The following TADA3 variants were observed in gnomAD, a reference collection of about 807,000 sequenced individuals.
TADA3 encodes the protein transcriptional adapter 3.
In TADA3, 25 loss-of-function variants were observed where a neutral mutation model predicts 43.2. The observed-to-expected ratio is 0.58, with a 90% CI of 0.42 to 0.81. The LOEUF (loss-of-function observed/expected upper bound fraction) is 0.81. Ranked by LOEUF, TADA3 falls within the 30% of genes least tolerant of loss-of-function variation. TADA3 has a pLI of 0.00. For synonymous variants in TADA3, 235 were observed against 225.5 expected (o/e 1.04, Z -0.38); for missense variants, 441 against 567.8 (o/e 0.78, Z 2.27).
At chr3:9,787,544 G>GAC (rs1037600953) in intron 4 of TADA3, 9 of 948,678 alleles carry the variant, frequency 9.5e-6, no homozygotes, top group South Asian at 5.2e-5. Context: ...AAAGAACTAA[G>GAC]ACACACACAC....
At chr3:9,783,975 TG>T (rs1262555025) in intron 8 of TADA3, 52 bp downstream of exon 8, 1 of 1,564,652 alleles carries the variant, frequency 6.4e-7, no homozygotes, top group South Asian at 1.2e-5. Context: ...TGACTAGCCG[TG>T]GCCACAGCCT....
rs577310943 is a variant in TADA3 at position 9,787,512 on chromosome 3, C to G, written c.565-172G>C. On this transcript the variant is annotated intron_variant, in intron 4 of 8. Coordinates refer to ENST00000301964, the MANE Select transcript of TADA3 (RefSeq NM_006354.5). ...GAAGATAAAACCTGTACTTCACACT[C>G]TAGTAAGGGAGACAGGTCCAAAAAG... 2.3e-5 allele frequency: 24 copies of G among 1,046,072 alleles called. No homozygotes were observed. In the South Asian group the frequency reaches 3.7e-4, roughly 16 times the overall value. The allele number at this position is 1,046,072 out of a possible 1,614,324, so 64.8% of individuals were successfully genotyped here.
chr3:9,787,993 C>T (rs938027535), intron 4 of TADA3: 6 of 318,472 alleles, frequency 1.9e-5, no homozygotes, highest in Non-Finnish European at 3.1e-5. Flanking sequence ...CTGGTCAACA[C>T]GGCAATGAAG....
chr3:9,785,391 A>G lies in TADA3; in HGVS notation c.845T>C (p.Ile282Thr). ...NIISPMEDSPIPDMSGKESGA... is the reference protein window; with the variant it reads ...NIISPMEDSPTPDMSGKESGA... ...TGATTCTTTCCCAGACATGTCAGGAATAGGAGAATCCTCCATAGGGGAAAT... is the reference window on the plus strand; with the variant it reads ...TGATTCTTTCCCAGACATGTCAGGAGTAGGAGAATCCTCCATAGGGGAAAT... The change falls in exon 7 of 9, where the codon ATT becomes ACT. Residue 282 changes from isoleucine to threonine, a missense_variant. By Grantham distance (89) the Ile-to-Thr change is moderately conservative. Coordinates refer to ENST00000301964, the MANE Select transcript of TADA3 (RefSeq NM_006354.5). The G allele has an allele frequency of 6.2e-7, 1 of 1,614,098 alleles. No individual in the cohort carries two copies. The highest frequency in any genetic ancestry group is 8.5e-7 in the Non-Finnish European group (1 of 1,179,948).
chr3:9,784,353 G>A (rs1250303823), intron 7 of TADA3, 140 bp from the exon 8 acceptor site: 4 of 1,119,290 alleles, frequency 3.6e-6, no homozygotes, highest in Non-Finnish European at 4.9e-6. Context: ...CAGATACAAA[G>A]GGAGGGACAG....
In TADA3 at chr3:9,784,198, C is replaced by T. The variant is rs2078549515; in HGVS notation, c.936G>A (p.Lys312=). Reference sequence around the variant, plus strand: ...CCTCCTTGATGCGGCTCTCCAGGGACTTAGTATGCGGCACACTGCAGCGGG... The same window carrying T: ...CCTCCTTGATGCGGCTCTCCAGGGATTTAGTATGCGGCACACTGCAGCGGG... ...QNKPFSVPHT[K]SLESRIKEEL... is the part of the protein sequence containing the mutation. The change falls in exon 8 of 9, where the codon AAG becomes AAA. Residue 312 remains lysine, a synonymous_variant. Transcript: ENST00000301964. 7 of 1,613,466 alleles carry T rather than the reference C, an allele frequency of 4.3e-6. No individual in the cohort carries two copies. Among genetic ancestry groups the T allele is most frequent in the Non-Finnish European group, 5.9e-6 (7 of 1,179,468 alleles).
chr3:9,789,688 C>T, intron 3 of TADA3, 25 bp downstream of exon 3: 1 of 1,609,218 alleles, frequency 6.2e-7, no homozygotes, highest in Non-Finnish European at 8.5e-7. Flanking sequence ...CTTGAGGCCC[C>T]CTTCTATGTT....
At chr3:9,789,437 G>T in intron 4 of TADA3, 72 bp downstream of exon 4, 1 of 1,399,332 alleles carries the variant, frequency 7.1e-7, no homozygotes. Context: ...CATGGCTTTG[G>T]TAGCTTTACT....
chr3:9,791,760 G>GT (rs1439631280), intron 1 of TADA3, among the ~76,000 whole-genome samples: 1 of 152,246 alleles, frequency 6.6e-6, no homozygotes, highest in East Asian at 1.9e-4. Flanking sequence ...CTGAGACTCT[G>GT]TAAGGGTGGG....
At chr3:9,783,196 TAAC>T (rs2078520498) in intron 8 of TADA3, 1 of 151,984 alleles carries the variant, frequency 6.6e-6, no homozygotes, top group Non-Finnish European at 1.5e-5. Context: ...AAATTTTTAA[TAAC>T]AAAACTTTGG....
At chr3:9,791,995 T>C (rs1410403924) in intron 1 of TADA3, among the ~76,000 whole-genome samples, 1 of 152,176 alleles carries the variant, frequency 6.6e-6, no homozygotes, top group Non-Finnish European at 1.5e-5. Context: ...CTTTCTCCCT[T>C]CTCTAGTCAC....
rs781150747 is a variant in TADA3, at chr3:9,784,013, CCTG to C, written c.1106+12_1106+14del. 5.0e-6 allele frequency: 8 copies of C among 1,607,588 alleles called. No homozygotes were observed. The African/African-American group carries it at 1.1e-4, about 21-fold the overall frequency. On this transcript the variant is annotated intron_variant, in intron 8 of 8. Coordinates refer to ENST00000301964, the MANE Select transcript of TADA3 (RefSeq NM_006354.5). ...CAAGGCCACCCCCGGGACTGTGCAT[CCTG>C]CTAACGCTCACCTCAGCAGGTCGTG...
chr3:9,783,825 A>C, intron 8 of TADA3: 4 of 911,370 alleles, frequency 4.4e-6, no homozygotes, highest in Non-Finnish European at 6.1e-6. Context: ...TCAGTCACAG[A>C]TGCCTGAGCC....
At chr3:9,792,763 C>A, upstream of TADA3, 1 of 1,245,582 alleles carries the variant, frequency 8.0e-7, no homozygotes, top group Non-Finnish European at 1.0e-6. Context: ...AAGGGCTCGT[C>A]CGCTTCGGCT....
chr3:9,793,006 G>C (rs528613047), upstream of TADA3: 944 of 1,521,762 alleles, frequency 6.2e-4, no homozygotes, highest in Non-Finnish European at 8.0e-4. Context: ...TCGGAGCATA[G>C]ATGGTACCGT....
chr3:9,786,190 C>T (rs954730362), intron 6 of TADA3, among the ~76,000 whole-genome samples: 1 of 152,156 alleles, frequency 6.6e-6, no homozygotes, highest in African/African-American at 2.4e-5. Context: ...CCGCCCGCCT[C>T]AGCCTCCCAA....
chr3:9,785,489 C>T, intron 6 of TADA3, 64 bp from the exon 7 acceptor site: 1 of 1,088,616 alleles, frequency 9.2e-7, no homozygotes, highest in African/African-American at 1.5e-5. Context: ...TCCTTTCTGA[C>T]CTACACTGAC....
intron 6 of TADA3, among the ~76,000 whole-genome samples, chr3:9,786,354 C>G (rs1403195683): frequency 1.3e-5 from 2 of 152,144 alleles, no homozygotes; most frequent in Non-Finnish European, 2.9e-5. Flanking sequence ...TAGAGACCTG[C>G]CCCTTCCCCT....
Position 9,787,678 on chromosome 3 carries a change from A to AC in TADA3, c.565-339dup. 7 of 1,352,952 alleles carry AC rather than the reference A, an allele frequency of 5.2e-6. No homozygotes were observed. In the South Asian group the frequency reaches 8.6e-5, roughly 17 times the overall value. The allele number at this position is 1,352,952 out of a possible 1,614,324, so 83.8% of individuals were successfully genotyped here. A position where few individuals can be genotyped will look rare whatever the true frequency, so the allele number is the denominator to read the frequency against. On this transcript the variant is annotated intron_variant, in intron 4 of 8. Transcript: ENST00000301964. ...TTCAGGTCACGGGTGACAGGGAATT[A>AC]CCTTTTGTATTGCTTGAATTTACTG... is the stretch of plus-strand genomic sequence containing the variant.
Sources: allele counts gnomAD v4.1 joint callset (sites outside exome capture counted in the v4.1 genomes callset), GRCh38; gene constraint gnomAD v4.1.1; transcripts MANE v1.5; gene names NCBI Gene and HGNC (gene_info 2026-07-23, HGNC 2026-07-21).